Variants in PTPRN2 observed in about 807,000 individuals in gnomAD.
PTPRN2 encodes protein tyrosine phosphatase receptor type N2, also known as receptor-type tyrosine-protein phosphatase N2.
In PTPRN2, 74 loss-of-function variants were observed where a neutral mutation model predicts 118.8. That is an observed-to-expected ratio of 0.62 (90% confidence interval 0.52 to 0.76). The LOEUF (loss-of-function observed/expected upper bound fraction) is 0.76, where lower values mean the gene tolerates loss of function less well. PTPRN2 is among the 30% of genes least tolerant of loss of function. PTPRN2 has a pLI of 0.00. For synonymous variants in PTPRN2, 641 were observed against 608.0 expected (o/e 1.05, Z -0.80); for missense variants, 1,481 against 1,394.4 (o/e 1.06, Z -0.99).
At chr7:158,568,411 C>T (rs925730653) in intron 1 of PTPRN2, among the ~76,000 whole-genome samples, 2 of 151,472 alleles carry the variant, frequency 1.3e-5, no homozygotes, top group Non-Finnish European at 2.9e-5. Context: ...CTCCCAGAGG[C>T]GGTAGGAACA....
At chr7:158,050,637 C>T (rs1427828100) in intron 11 of PTPRN2, among the ~76,000 whole-genome samples, 2 of 152,218 alleles carry the variant, frequency 1.3e-5, no homozygotes, top group East Asian at 3.9e-4. Flanking sequence ...GGGCCCCGCT[C>T]TCCCCCGTCA....
intron 3 of PTPRN2, among the ~76,000 whole-genome samples, chr7:158,282,055 C>A (rs1374150299): frequency 6.6e-6 from 1 of 152,164 alleles, no homozygotes; most frequent in East Asian, 1.9e-4. Context: ...ACACTGTGTT[C>A]CCAGAAGGGA....
intron 11 of PTPRN2, among the ~76,000 whole-genome samples, chr7:157,996,432 TA>T (rs1489591880): frequency 1.3e-5 from 2 of 152,198 alleles, no homozygotes; most frequent in Non-Finnish European, 2.9e-5. Flanking sequence ...CAGTAACAAA[TA>T]TTACTAAGAG....
At chr7:157,817,670 T>G (rs1041300676) in intron 12 of PTPRN2, among the ~76,000 whole-genome samples, 1 of 152,210 alleles carries the variant, frequency 6.6e-6, no homozygotes, top group African/African-American at 2.4e-5. Context: ...GCCGGGGCCA[T>G]CAATGGGGTG....
chr7:158,331,430 C>T (rs1178209497), intron 2 of PTPRN2, among the ~76,000 whole-genome samples: 24 of 110,882 alleles, frequency 2.2e-4, no homozygotes, highest in South Asian at 6.9e-4. Context: ...AGAGGTCACT[C>T]ACACCCATAC....
At chr7:157,651,777 C>T (rs908615355) in intron 14 of PTPRN2, among the ~76,000 whole-genome samples, 5 of 152,252 alleles carry the variant, frequency 3.3e-5, no homozygotes, top group African/African-American at 2.4e-5. Context: ...CCTGCGAAGT[C>T]GCCTTCATCA....
At chr7:157,592,079 G>C (rs1234303037) in intron 17 of PTPRN2, among the ~76,000 whole-genome samples, 2 of 152,172 alleles carry the variant, frequency 1.3e-5, no homozygotes, top group Non-Finnish European at 2.9e-5. Context: ...CCTGCTGTCC[G>C]AGATGTGTCT....
At chr7:157,774,651 C>T (rs1296390832) in intron 12 of PTPRN2, among the ~76,000 whole-genome samples, 6 of 152,240 alleles carry the variant, frequency 3.9e-5, no homozygotes, top group East Asian at 1.9e-4. Context: ...GCTGTAACTG[C>T]GGTTAAGGGG....
Position 158,489,796 on chromosome 7 carries a change from A to G in PTPRN2, c.113-11T>C, listed in dbSNP as rs985446169. On this transcript the variant is annotated splice_polypyrimidine_tract_variant and intron_variant, in intron 1 of 22. Coordinates refer to ENST00000389418, the MANE Select transcript of PTPRN2 (RefSeq NM_002847.5). Reference sequence around the variant, plus strand: ...CCTCGAGCAGGCAGCCTGCGGGGAAACAGAGAAGAGACGCGGTCAGCTGGA... The same window carrying G: ...CCTCGAGCAGGCAGCCTGCGGGGAAGCAGAGAAGAGACGCGGTCAGCTGGA... The G allele has an allele frequency of 5.7e-6, 9 of 1,570,434 alleles. No homozygotes were observed. The highest frequency in any genetic ancestry group is 6.9e-6 in the Non-Finnish European group (8 of 1,158,370).
chr7:158,153,442 C>G (rs1821395286), intron 6 of PTPRN2, among the ~76,000 whole-genome samples: 1 of 152,178 alleles, frequency 6.6e-6, no homozygotes, highest in Non-Finnish European at 1.5e-5. Flanking sequence ...CACATGCCCA[C>G]TGGGGCTTTA....
chr7:158,541,448 C>T (rs1283956032), intron 1 of PTPRN2: 2 of 1,351,800 alleles, frequency 1.5e-6, no homozygotes, highest in East Asian at 4.5e-5. Context: ...GCACCAGACA[C>T]TGCCACCGAG....
intron 1 of PTPRN2, among the ~76,000 whole-genome samples, chr7:158,542,345 G>T (rs1293033620): frequency 2.6e-5 from 4 of 152,202 alleles, no homozygotes; most frequent in African/African-American, 4.8e-5. Context: ...TAGAGTTGGG[G>T]TTTCACCATG....
At position 158,342,399 on chromosome 7, in the gene PTPRN2, A is replaced by G. The variant is rs868313171; in HGVS notation, c.164-25467T>C. 2.9e-3 allele frequency among the ~76,000 whole-genome samples: 291 copies of G among 100,350 alleles called. 2 individuals are homozygous for G. The highest frequency in any genetic ancestry group is 0.012 in the African/African-American group (257 of 22,012). 65.8% of individuals were successfully genotyped at this position (100,350 alleles called of 152,430 possible). On this transcript the variant is annotated intron_variant, in intron 2 of 22. Transcript: ENST00000389418. ...ATAAGAGCTGACATCTGCAGACGTC[A>G]CTCACACCCACACTCTCACCATAAG...
intron 11 of PTPRN2, among the ~76,000 whole-genome samples, chr7:158,063,835 G>C (rs1221883835): frequency 1.3e-5 from 2 of 152,188 alleles, no homozygotes; most frequent in Non-Finnish European, 2.9e-5. Flanking sequence ...AGCAGGTCAG[G>C]GAATGGGGTG....
At chr7:158,179,818 T>C (rs566613367) in intron 5 of PTPRN2, among the ~76,000 whole-genome samples, 17 of 152,348 alleles carry the variant, frequency 1.1e-4, no homozygotes, top group Admixed American at 3.9e-4. Flanking sequence ...ACACTTGCCA[T>C]GACAACACCA....
rs1161044281 is a variant in PTPRN2, at chr7:157,615,324, G to A, written c.2344+6038C>T. ...GTGCGTGGGTTGCGGCTGGGTCTGC[G>A]CTGGGGTAGTGTAGGCTGCACTCTC... On this transcript the variant is annotated intron_variant, in intron 15 of 22. Transcript: ENST00000389418. This position sits in a 1 kb window ranked among gnomAD's most constrained non-coding sequence, Gnocchi z 4.3. 1 of 404,626 alleles carries A rather than the reference G, an allele frequency of 2.5e-6. No homozygotes were observed. Among genetic ancestry groups the A allele is most frequent in the Non-Finnish European group, 5.2e-6 (1 of 192,436 alleles). 25.1% of individuals were successfully genotyped at this position (404,626 alleles called of 1,614,324 possible).
At chr7:158,497,902 G>A (rs549682259) in intron 1 of PTPRN2, among the ~76,000 whole-genome samples, 27 of 152,316 alleles carry the variant, frequency 1.8e-4, no homozygotes, top group African/African-American at 5.3e-4. Flanking sequence ...CTGTTCTGCC[G>A]GGCACAGATG....
intron 1 of PTPRN2, chr7:158,541,593 G>T (rs754765050): frequency 7.4e-7 from 1 of 1,351,682 alleles, no homozygotes; most frequent in Non-Finnish European, 9.8e-7. Flanking sequence ...TGAATATTCA[G>T]ATTCCACAGC....
chr7:158,157,083 G>A (rs62480256), intron 6 of PTPRN2, among the ~76,000 whole-genome samples: 2,699 of 151,468 alleles, frequency 0.018, 36 homozygotes, highest in Middle Eastern at 0.042. Flanking sequence ...TGTAGCTCTG[G>A]AAGGCCTCCC....
Sources: gnomAD v4.1 joint callset for allele counts (sites outside exome capture counted in the v4.1 genomes callset) on GRCh38, gnomAD v4.1.1 for gene constraint, Gnocchi (gnomAD v3.1) non-coding constraint, MANE v1.5 for transcripts, NCBI Gene and HGNC (gene_info 2026-07-23, HGNC 2026-07-21) for gene names.